The following RHD variants were observed in gnomAD, a reference collection of about 807,000 sequenced individuals.
RHD encodes Rh blood group D antigen.
Under a neutral mutation model 45.5 loss-of-function variants are expected in RHD, and 16 were observed. That is an observed-to-expected ratio of 0.35 (90% CI 0.24 to 0.53). The LOEUF (loss-of-function observed/expected upper bound fraction) is 0.53. Among genes scored for constraint, RHD ranks in the 20% least tolerant of loss-of-function variants. RHD has a pLI of 0.92. For synonymous variants in RHD, 131 were observed against 217.5 expected, an observed-to-expected ratio of 0.60 and a Z score of 3.50; for missense variants, 306 against 532.0, an observed-to-expected ratio of 0.58 and a Z score of 4.18.
Position 25,321,522 on chromosome 1 carries a change from T to G in RHD, c.1154-367T>G, listed in dbSNP as rs538480244. Among the ~76,000 whole-genome samples, 71 of 113,702 alleles carry G rather than the reference T, an allele frequency of 6.2e-4. 19 individuals are homozygous for G. Among genetic ancestry groups the G allele is most frequent in the Non-Finnish European group, 1.3e-3 (64 of 49,008 alleles). 74.6% of individuals were successfully genotyped at this position (113,702 alleles called of 152,430 possible). ...CTAAAAAAAAAAAAAAAAAAAAAAT[T>G]AGCTGGATGTGGTGGCAGGCGCCTA... On this transcript the variant is annotated intron_variant, in intron 8 of 9. Transcript: ENST00000328664.
chr1:25,290,711 T>G lies in RHD; in HGVS notation c.406T>G (p.Leu136Val). The G allele has an allele frequency of 7.3e-7, 1 of 1,377,802 alleles. No homozygotes were observed. Among genetic ancestry groups the G allele is most frequent in the Non-Finnish European group, 1.0e-6 (1 of 978,188 alleles). 85.3% of individuals were successfully genotyped at this position (1,377,802 alleles called of 1,614,324 possible). The change falls in exon 3 of 10, where the codon TTG becomes GTG. Residue 136 changes from leucine to valine, a missense_variant. Leu to Val is a conservative substitution (Grantham distance 32). Transcript: ENST00000328664. ...GGATGCTGTCTTGGGGAAGGTCAAC[T>G]TGGCGCAGTTGGTGGTGATGGTGCT... is the stretch of plus-strand genomic sequence containing the variant. ...SVDAVLGKVN[L>V]AQLVVMVLVE...
chr1:25,302,662 A>G lies in RHD; in HGVS notation c.802-660A>G, dbSNP rs894003771. Among the ~76,000 whole-genome samples the G allele has an allele frequency of 6.2e-5, 8 of 130,080 alleles. 2 individuals carry two copies. The highest frequency in any genetic ancestry group is 1.1e-4 in the African/African-American group (4 of 37,628). 85.3% of individuals were successfully genotyped at this position (130,080 alleles called of 152,430 possible). ...CCCAGGAACAAGGCCCAGCTTATTG[A>G]AACTGGGCCCAGTCACACAGGGTGG... On this transcript the variant is annotated intron_variant, in intron 5 of 9. Coordinates refer to ENST00000328664, the MANE Select transcript of RHD (RefSeq NM_016124.6).
intron 2 of RHD, among the ~76,000 whole-genome samples, chr1:25,287,612 C>G (rs1430270969): frequency 3.0e-5 from 4 of 135,278 alleles, no homozygotes; most frequent in African/African-American, 1.0e-4. Context: ...AGGGGAGGGG[C>G]CTATCTTATT....
chr1:25,285,717 G>A (rs151276366), intron 2 of RHD, among the ~76,000 whole-genome samples: 4 of 135,124 alleles, frequency 3.0e-5, no homozygotes, highest in Admixed American at 7.1e-5. Context: ...AGCTATACAC[G>A]TTTTAAAAGG....
In RHD at chr1:25,308,696, C is replaced by G. The variant is rs1460114572; in HGVS notation, c.1073+1967C>G. Among the ~76,000 whole-genome samples, 4 of 129,484 alleles carry G rather than the reference C, an allele frequency of 3.1e-5. 2 individuals carry two copies. The highest frequency in any genetic ancestry group is 7.3e-5 in the Non-Finnish European group (4 of 54,998). The allele number at this position is 129,484 out of a possible 152,430, so 84.9% of individuals were successfully genotyped here. A position where few individuals can be genotyped will look rare whatever the true frequency, so the allele number is the denominator to read the frequency against. The stretch of plus-strand genomic sequence containing the variant: ...GCTCCAGCACATCCCTGCAAGTCAA[C>G]TCTCATCAGGGTGAGTGAGTTGAGG... On this transcript the variant is annotated intron_variant, in intron 7 of 9. Transcript: ENST00000328664.
chr1:25,292,405 A>G (rs1178803422), intron 3 of RHD, among the ~76,000 whole-genome samples: 1 of 132,514 alleles, frequency 7.5e-6, no homozygotes, highest in Non-Finnish European at 1.8e-5. Flanking sequence ...AGACTAGGAC[A>G]ATAGCTGTGA....
At chr1:25,294,316 C>T (rs550273104) in intron 3 of RHD, 2 of 1,213,380 alleles carry the variant, frequency 1.6e-6, no homozygotes, top group Admixed American at 3.6e-5. Context: ...TCAGTAACAA[C>T]TTGTCCAAGG....
rs1380672970 is a variant in RHD, at chr1:25,272,682, G to A, written c.135G>A (p.Val45=). Residue 45 remains valine, a synonymous_variant, in exon 1 of 10, where the codon GTG becomes GTA. Coordinates refer to ENST00000328664, the MANE Select transcript of RHD (RefSeq NM_016124.6). ...DASLEDQKGL[V]ASYQVGQDLT... ...CCTTAGAGGATCAAAAGGGGCTCGT[G>A]GCATCCTATCAAGGTGAGAGTTCAT... 7 of 1,548,182 alleles carry A rather than the reference G, an allele frequency of 4.5e-6. No homozygotes were observed. Among genetic ancestry groups the A allele is most frequent in the Non-Finnish European group, 6.2e-6 (7 of 1,130,026 alleles).
intron 2 of RHD, among the ~76,000 whole-genome samples, chr1:25,287,895 G>A (rs1476465899): frequency 7.9e-6 from 1 of 127,042 alleles, no homozygotes; most frequent in Non-Finnish European, 1.9e-5. Context: ...GCTAATTTTT[G>A]TATTTTTAGT....
chr1:25,283,491 A>G (rs1641678379), intron 1 of RHD, among the ~76,000 whole-genome samples: 2 of 130,326 alleles, frequency 1.5e-5, no homozygotes, highest in Admixed American at 1.5e-4. Flanking sequence ...AGATCTTGCC[A>G]CTGTACTCCA....
intron 1 of RHD, among the ~76,000 whole-genome samples, chr1:25,283,705 T>C (rs776491608): frequency 7.5e-6 from 1 of 133,734 alleles, no homozygotes; most frequent in Non-Finnish European, 1.8e-5. Flanking sequence ...AGGCACATGG[T>C]AAACGCTTAG....
rs1643648909 is a variant in RHD, at chr1:25,304,565, T to A, written c.939+1106T>A. The A allele has an allele frequency of 1.6e-5, 2 of 127,378 alleles. 1 individual carries two copies. The highest frequency in any genetic ancestry group is 1.5e-4 in the Admixed American group (2 of 13,154). The allele number at this position is 127,378 out of a possible 1,614,324, so 7.9% of individuals were successfully genotyped here. ...GTGAGCTGAAATCGTGCCATGGCAC[T>A]CCAGCCTGGGCGACAGAACAAGACT... On this transcript the variant is annotated intron_variant, in intron 6 of 9. Transcript: ENST00000328664.
Position 25,308,738 on chromosome 1 carries a change from C to G in RHD, c.1073+2009C>G, listed in dbSNP as rs1439474900. Among the ~76,000 whole-genome samples the G allele has an allele frequency of 4.7e-5, 6 of 127,992 alleles. 2 individuals carry two copies. The highest frequency in any genetic ancestry group is 1.1e-4 in the Non-Finnish European group (6 of 54,476). 84.0% of individuals were successfully genotyped at this position (127,992 alleles called of 152,430 possible). ...GAGTTGAGGACCAAGAAGCAGTTAT[C>G]CTCTTGCCTTTGCAGGACCCAGGCA... is the stretch of plus-strand genomic sequence containing the variant. On this transcript the variant is annotated intron_variant, in intron 7 of 9. Transcript: ENST00000328664.
chr1:25,293,600 A>C (rs1232143594), intron 3 of RHD, among the ~76,000 whole-genome samples: 1 of 131,236 alleles, frequency 7.6e-6, no homozygotes, highest in Non-Finnish European at 1.8e-5. Flanking sequence ...AAGCACTCCA[A>C]GCGTTTCTTC....
chr1:25,303,554 G>C, intron 6 of RHD, 95 bp downstream of exon 6: 1 of 1,180,002 alleles, frequency 8.5e-7, no homozygotes. Flanking sequence ...AGCTGCATTA[G>C]GCAGGTGTCG....
rs1413749939 is a variant in RHD, at chr1:25,316,088, CG to C, written c.1074-909del. Among the ~76,000 whole-genome samples, 11 of 131,106 alleles carry C rather than the reference CG, an allele frequency of 8.4e-5. 2 individuals are homozygous for C. Among genetic ancestry groups the C allele is most frequent in the Admixed American group, 8.1e-4 (11 of 13,502 alleles). The allele number at this position is 131,106 out of a possible 152,430, so 86.0% of individuals were successfully genotyped here. ...CAACTATCCGTGGGGCTGCAGTGAA[CG>C]GGCTGGCAGTGCCCAGGTGCAGGCT... On this transcript the variant is annotated intron_variant, in intron 7 of 9. Coordinates refer to ENST00000328664, the MANE Select transcript of RHD (RefSeq NM_016124.6).
chr1:25,280,821 G>C (rs934974643), intron 1 of RHD, among the ~76,000 whole-genome samples: 4 of 130,928 alleles, frequency 3.1e-5, no homozygotes, highest in Non-Finnish European at 7.2e-5. Flanking sequence ...ATGTTGCCTA[G>C]GCTGGTCTTG....
chr1:25,280,351 G>C (rs1641371026), intron 1 of RHD, among the ~76,000 whole-genome samples: 1 of 124,020 alleles, frequency 8.1e-6, no homozygotes, highest in Admixed American at 7.8e-5. Flanking sequence ...TGTCATCCAG[G>C]CTGGAGTACA....
intron 6 of RHD, among the ~76,000 whole-genome samples, chr1:25,305,473 T>C (rs1451311473): frequency 2.5e-5 from 1 of 39,542 alleles, no homozygotes; most frequent in Non-Finnish European, 7.4e-5. Context: ...CTCAGCTCAC[T>C]GCAACCTCCA....
Sources: allele counts gnomAD v4.1 joint callset (sites outside exome capture counted in the v4.1 genomes callset), GRCh38; gene constraint gnomAD v4.1.1; transcripts MANE v1.5; gene names NCBI Gene and HGNC (gene_info 2026-07-23, HGNC 2026-07-21).